Variants in PTPRQ observed in about 807,000 individuals in gnomAD.
PTPRQ encodes protein tyrosine phosphatase receptor type Q, also known as phosphatidylinositol phosphatase PTPRQ.
PTPRQ carries 199 observed loss-of-function variants against 246.0 expected under a neutral mutation model. The observed-to-expected ratio is 0.81, with a 90% CI of 0.72 to 0.91. PTPRQ has a LOEUF of 0.91. Ranked by LOEUF, PTPRQ falls within the 40% of genes least tolerant of loss-of-function variation. The pLI, the probability that PTPRQ is intolerant of heterozygous loss-of-function variation, is 0.00. For missense variants in PTPRQ, 2,624 were observed against 2,528.4 expected, an observed-to-expected ratio of 1.04 and a Z score of -0.81; for synonymous variants, 869 against 853.2, an observed-to-expected ratio of 1.02 and a Z score of -0.32.
intron 26 of PTPRQ, among the ~76,000 whole-genome samples, chr12:80,595,126 T>C (rs2121045593): frequency 6.6e-6 from 1 of 152,290 alleles, no homozygotes; most frequent in South Asian, 2.1e-4. Context: ...TTGTTTTCGC[T>C]ATGTTTTTAA....
At position 80,506,575 on chromosome 12, in the gene PTPRQ, A is replaced by C; in HGVS notation, c.2462A>C (p.Lys821Thr). The change falls in exon 16 of 45, where the codon AAG (lysine) becomes ACG (threonine). Residue 821 changes from lysine (K) to threonine (T), a missense_variant. Transcript: ENST00000644991. ...CTATTTGATTTCTCTTTAGTACTGAAGAAATATACCCAATATATCATTGAG... is the reference window on the plus strand; with the variant it reads ...CTATTTGATTTCTCTTTAGTACTGACGAAATATACCCAATATATCATTGAG... ...TSLTQNIKVL[K>T]KYTQYIIEVS... The C allele has an allele frequency of 1.3e-6, 2 of 1,528,186 alleles. No homozygotes were observed. The allele number at this position is 1,528,186 out of a possible 1,614,324, so 94.7% of individuals were successfully genotyped here. A position where few individuals can be genotyped will look rare whatever the true frequency, so the allele number is the denominator to read the frequency against.
At chr12:80,498,594 TTC>T (rs1253282103) in intron 14 of PTPRQ, among the ~76,000 whole-genome samples, 1 of 152,072 alleles carries the variant, frequency 6.6e-6, no homozygotes, top group East Asian at 1.9e-4. Context: ...CCATTTCCCT[TTC>T]ACAGCACATG....
intron 17 of PTPRQ, among the ~76,000 whole-genome samples, chr12:80,525,005 G>T (rs1034589574): frequency 6.6e-6 from 1 of 152,148 alleles, no homozygotes; most frequent in Non-Finnish European, 1.5e-5. Flanking sequence ...TAAGCTTATT[G>T]CATCAACTCA....
intron 34 of PTPRQ, among the ~76,000 whole-genome samples, chr12:80,633,851 C>T (rs556084589): frequency 1.3e-3 from 204 of 152,300 alleles, no homozygotes; most frequent in Middle Eastern, 0.01. Context: ...TTTCTGACTT[C>T]TCATTTCTCT....
rs752218516 is a variant in PTPRQ at position 80,495,193 on chromosome 12, G to A, written c.1704G>A (p.Val568=). 7.1e-6 allele frequency: 11 copies of A among 1,542,970 alleles called. No homozygotes were observed. Among genetic ancestry groups the A allele is most frequent in the Non-Finnish European group, 9.6e-6 (11 of 1,144,566 alleles). ...CATATGTTCATTCTTCTTTTTAAGT[G>A]CCAAGCTCCATTAAAATTATAAACT... ...TVLSVRTRQQ[V]PSSIKIINYK... The change falls in exon 12 of 45, where the codon GTG becomes GTA. Residue 568 remains valine, a splice_region_variant and synonymous_variant. Coordinates refer to ENST00000644991, the MANE Select transcript of PTPRQ (RefSeq NM_001145026.2).
chr12:80,451,151 C>G (rs1258959043), intron 3 of PTPRQ, among the ~76,000 whole-genome samples: 2 of 152,090 alleles, frequency 1.3e-5, no homozygotes, highest in African/African-American at 4.8e-5. Context: ...TCTAGATTTT[C>G]TAGTTTATTT....
At chr12:80,531,609 C>T (rs143209382) in intron 17 of PTPRQ, among the ~76,000 whole-genome samples, 35 of 152,230 alleles carry the variant, frequency 2.3e-4, no homozygotes, top group Middle Eastern at 3.4e-3. Flanking sequence ...AAATGGAGTT[C>T]GAGCCTTGGT....
chr12:80,541,957 A>G (rs1430485634), intron 21 of PTPRQ, 112 bp downstream of exon 21: 5 of 1,460,862 alleles, frequency 3.4e-6, no homozygotes, highest in Non-Finnish European at 4.5e-6. Flanking sequence ...ATCTCAAGTA[A>G]TTAGCCTTTC....
rs1158550988 is a variant in PTPRQ, at chr12:80,546,721, A to G, written c.4015+24A>G. ...AGGTTAGATACAGTTTTTGAGCCTA[A>G]AATGTTTCTTTTTATATTTAACACC... On this transcript the variant is annotated intron_variant, in intron 24 of 44. Coordinates refer to ENST00000644991, the MANE Select transcript of PTPRQ (RefSeq NM_001145026.2). 28 of 1,541,636 alleles carry G rather than the reference A, an allele frequency of 1.8e-5. No individual in the cohort carries two copies. In the East Asian group the frequency reaches 6.6e-4, roughly 36 times the overall value.
At chr12:80,545,689 C>A (rs916974483) in intron 23 of PTPRQ, among the ~76,000 whole-genome samples, 10 of 150,650 alleles carry the variant, frequency 6.6e-5, no homozygotes, top group African/African-American at 1.9e-4. Context: ...ATAGAGGAAT[C>A]GGCTGGGAAA....
rs942486188 is a variant in PTPRQ, at chr12:80,605,049, A to G, written c.4610-10A>G. On this transcript the variant is annotated splice_polypyrimidine_tract_variant and intron_variant, in intron 26 of 44. Transcript: ENST00000644991. ...AATGTAGCTAGATAATTAATTTTCTATTGTCATAGCTCCAGATGGTCCTCC... is the reference window on the plus strand; with the variant it reads ...AATGTAGCTAGATAATTAATTTTCTGTTGTCATAGCTCCAGATGGTCCTCC... 13 of 1,533,450 alleles carry G rather than the reference A, an allele frequency of 8.5e-6. No homozygotes were observed. The African/African-American group carries it at 1.7e-4, about 20-fold the overall frequency. 95.0% of individuals were successfully genotyped at this position (1,533,450 alleles called of 1,614,324 possible). A position where few individuals can be genotyped will look rare whatever the true frequency, so the allele number is the denominator to read the frequency against.
At chr12:80,532,990 T>C (rs1895887713) in intron 17 of PTPRQ, among the ~76,000 whole-genome samples, 2 of 152,208 alleles carry the variant, frequency 1.3e-5, no homozygotes, top group South Asian at 4.1e-4. Context: ...ATTTCAATGG[T>C]AAAGAAAGAG....
intron 27 of PTPRQ, 51 bp from the exon 28 acceptor site, chr12:80,610,388 A>C: frequency 7.1e-7 from 1 of 1,406,512 alleles, no homozygotes; most frequent in Non-Finnish European, 9.3e-7. Context: ...TGTTTTGGTG[A>C]CTCAGATTTC....
intron 17 of PTPRQ, among the ~76,000 whole-genome samples, chr12:80,520,659 C>T (rs1895450676): frequency 6.6e-6 from 1 of 151,878 alleles, no homozygotes; most frequent in African/African-American, 2.4e-5. Context: ...TGGTTTCCAG[C>T]TTCATCCATG....
chr12:80,620,466 A>G (rs1023644182), intron 32 of PTPRQ, 90 bp downstream of exon 32: 8 of 1,513,256 alleles, frequency 5.3e-6, no homozygotes, highest in Non-Finnish European at 6.2e-6. Context: ...CATCTTTCCA[A>G]TAAGCACTGG....
At chr12:80,492,872 A>G (rs1345691610) in intron 9 of PTPRQ, among the ~76,000 whole-genome samples, 1 of 152,026 alleles carries the variant, frequency 6.6e-6, no homozygotes, top group Non-Finnish European at 1.5e-5. Context: ...ACAAATGAGG[A>G]CAGGTAATTA....
intron 39 of PTPRQ, among the ~76,000 whole-genome samples, chr12:80,661,713 G>A (rs1413162180): frequency 6.6e-6 from 1 of 151,452 alleles, no homozygotes. Flanking sequence ...AAGAAAACCT[G>A]TTCAAGGACA....
intron 17 of PTPRQ, among the ~76,000 whole-genome samples, chr12:80,531,029 AAT>A: frequency 6.6e-6 from 1 of 152,100 alleles, no homozygotes; most frequent in African/African-American, 2.4e-5. Flanking sequence ...GTCGCTAAAA[AAT>A]ATATATATTT....
intron 9 of PTPRQ, among the ~76,000 whole-genome samples, chr12:80,485,339 C>T (rs892523516): frequency 6.6e-6 from 1 of 152,138 alleles, no homozygotes; most frequent in Non-Finnish European, 1.5e-5. Flanking sequence ...TGGCTGCTCC[C>T]CGGGGCATTC....
Sources: allele counts gnomAD v4.1 joint callset (sites outside exome capture counted in the v4.1 genomes callset), GRCh38; gene constraint gnomAD v4.1.1; transcripts MANE v1.5; gene names NCBI Gene and HGNC (gene_info 2026-07-23, HGNC 2026-07-21).